EFCAB6: variants seen among roughly 807,000 people sequenced by gnomAD.
EFCAB6 encodes EF-hand calcium binding domain 6.
A neutral mutation model predicts 169.8 loss-of-function variants in EFCAB6; 156 were observed. The ratio of observed to expected loss-of-function variants is 0.92; its 90% CI spans 0.81 to 1.05. The LOEUF is 1.05. Ranked by LOEUF, EFCAB6 falls within the 50% of genes least tolerant of loss-of-function variation. EFCAB6 has a pLI of 0.00. For synonymous variants in EFCAB6, 698 were observed against 676.4 expected, an observed-to-expected ratio of 1.03 and a Z score of -0.50; for missense variants, 1,800 against 1,829.1, an observed-to-expected ratio of 0.98 and a Z score of 0.29.
intron 13 of EFCAB6, among the ~76,000 whole-genome samples, chr22:43,672,614 C>T (rs2057541305): frequency 6.6e-6 from 1 of 152,166 alleles, no homozygotes; most frequent in Non-Finnish European, 1.5e-5. Flanking sequence ...CAGGTTCTCA[C>T]TCATAAGTGG....
At chr22:43,579,976 T>C (rs1387874717) in intron 25 of EFCAB6, among the ~76,000 whole-genome samples, 1 of 152,224 alleles carries the variant, frequency 6.6e-6, no homozygotes, top group Non-Finnish European at 1.5e-5. Context: ...ATAGGCATCA[T>C]TCCGTACACC....
At chr22:43,732,200 A>G (rs937145461) in intron 7 of EFCAB6, among the ~76,000 whole-genome samples, 9 of 152,126 alleles carry the variant, frequency 5.9e-5, no homozygotes, top group African/African-American at 2.2e-4. Flanking sequence ...GCCTTTAATA[A>G]TTGTAGGGAA....
At chr22:43,556,263 A>G (rs1010780676) in intron 26 of EFCAB6, among the ~76,000 whole-genome samples, 5 of 152,138 alleles carry the variant, frequency 3.3e-5, no homozygotes, top group African/African-American at 1.2e-4. Context: ...TCTGACATGC[A>G]TCTACTTGCT....
At chr22:43,533,907 CCT>C (rs2047230814) in intron 30 of EFCAB6, among the ~76,000 whole-genome samples, 1 of 152,186 alleles carries the variant, frequency 6.6e-6, no homozygotes, top group South Asian at 2.1e-4. Flanking sequence ...CCTCCTGGAG[CCT>C]CTGAGTCCAC....
At chr22:43,590,691 C>T (rs1246989440) in intron 23 of EFCAB6, among the ~76,000 whole-genome samples, 2 of 119,320 alleles carry the variant, frequency 1.7e-5, no homozygotes, top group South Asian at 5.5e-4. Flanking sequence ...GGGAGACAGA[C>T]AATAAACAGA....
chr22:43,618,115 C>CA (rs544481240), intron 20 of EFCAB6, among the ~76,000 whole-genome samples: 3,686 of 50,836 alleles, frequency 0.073, 119 homozygotes, highest in African/African-American at 0.1. Flanking sequence ...AAAAAAATCT[C>CA]AAAAAAAAAA....
rs1330732827 is a variant in EFCAB6, at chr22:43,572,834, C to G, written c.3420+3463G>C. Among the ~76,000 whole-genome samples the G allele has an allele frequency of 6.6e-6, 1 of 152,240 alleles. No homozygotes were observed. Among genetic ancestry groups the G allele is most frequent in the African/African-American group, 2.4e-5 (1 of 41,460 alleles). ...TGGAGGCAGGGACTGCATTTGTTTACTTTGCTGCTAAACCTGGCACCCAGC... is the reference window on the plus strand; with the variant it reads ...TGGAGGCAGGGACTGCATTTGTTTAGTTTGCTGCTAAACCTGGCACCCAGC... On this transcript the variant is annotated intron_variant, in intron 26 of 31. Transcript: ENST00000262726. The surrounding 1 kb of genome is among the most constrained non-coding windows in gnomAD (Gnocchi z 4.0).
intron 6 of EFCAB6, among the ~76,000 whole-genome samples, chr22:43,739,508 C>G (rs766310156): frequency 2.0e-5 from 3 of 152,150 alleles, no homozygotes; most frequent in Non-Finnish European, 4.4e-5. Flanking sequence ...CAATGTCCCA[C>G]TGATGACTCC....
At chr22:43,616,005 G>A in intron 20 of EFCAB6, 83 bp from the exon 21 acceptor site, 1 of 1,175,696 alleles carries the variant, frequency 8.5e-7, no homozygotes, top group Non-Finnish European at 1.2e-6. Context: ...TATCCCCCCT[G>A]TTTGTTTCAA....
At position 43,546,731 on chromosome 22, in the gene EFCAB6, G is replaced by A. The variant is rs185143566; in HGVS notation, c.3649-6374C>T. 7.7e-4 allele frequency among the ~76,000 whole-genome samples: 117 copies of A among 152,124 alleles called. 1 individual carries two copies. Among genetic ancestry groups the A allele is most frequent in the African/African-American group, 2.8e-3 (116 of 41,496 alleles). ...TACTAAAAATACAAAAAATTAGCCA[G>A]GTGTGGTGGTGCGCACCTGTAATCC... On this transcript the variant is annotated intron_variant, in intron 27 of 31. Coordinates refer to ENST00000262726, the MANE Select transcript of EFCAB6 (RefSeq NM_022785.4).
intron 9 of EFCAB6, among the ~76,000 whole-genome samples, chr22:43,712,043 G>C (rs143335586): frequency 9.2e-5 from 14 of 152,210 alleles, no homozygotes; most frequent in African/African-American, 3.4e-4. Flanking sequence ...AATAGAAGTA[G>C]CTTTTACAGT....
chr22:43,750,653 G>A (rs2060725531), intron 6 of EFCAB6, among the ~76,000 whole-genome samples: 2 of 152,246 alleles, frequency 1.3e-5, no homozygotes, highest in South Asian at 4.1e-4. Flanking sequence ...TTTTTGTTAG[G>A]CAAACAGACT....
intron 15 of EFCAB6, among the ~76,000 whole-genome samples, chr22:43,671,359 G>A (rs1248407603): frequency 6.6e-6 from 1 of 152,064 alleles, no homozygotes; most frequent in Non-Finnish European, 1.5e-5. Flanking sequence ...GTGCCACCAT[G>A]CCTGGCTTAA....
chr22:43,629,618 C>T (rs750009644), intron 19 of EFCAB6, among the ~76,000 whole-genome samples: 14 of 152,074 alleles, frequency 9.2e-5, no homozygotes, highest in South Asian at 4.2e-4. Flanking sequence ...CAGCACCCTG[C>T]GGGCTGTGTG....
chr22:43,546,446 G>A (rs891743797), intron 27 of EFCAB6, among the ~76,000 whole-genome samples: 1 of 152,138 alleles, frequency 6.6e-6, no homozygotes, highest in Non-Finnish European at 1.5e-5. Flanking sequence ...ACATAAAGGC[G>A]CGGCCTTAAA....
intron 3 of EFCAB6, among the ~76,000 whole-genome samples, chr22:43,777,209 G>A (rs1194989983): frequency 2.0e-5 from 3 of 152,176 alleles, no homozygotes; most frequent in Admixed American, 6.5e-5. Flanking sequence ...TGGAGAACAC[G>A]GGGGAGTCGA....
intron 6 of EFCAB6, among the ~76,000 whole-genome samples, chr22:43,748,370 C>T (rs1228093299): frequency 6.6e-6 from 1 of 152,166 alleles, no homozygotes; most frequent in Non-Finnish European, 1.5e-5. Flanking sequence ...ACAGAATAGC[C>T]GCAGGGCTTG....
At chr22:43,556,738 T>TA (rs1411467316) in intron 26 of EFCAB6, among the ~76,000 whole-genome samples, 1 of 152,236 alleles carries the variant, frequency 6.6e-6, no homozygotes, top group South Asian at 2.1e-4. Context: ...CTCAGAAATC[T>TA]AAAGCTACAC....
intron 23 of EFCAB6, among the ~76,000 whole-genome samples, chr22:43,591,140 T>A (rs1453400590): frequency 2.0e-5 from 3 of 150,546 alleles, no homozygotes; most frequent in Middle Eastern, 6.8e-3. Flanking sequence ...TTTTTGTTTT[T>A]TTTACCAGGC....
Sources: gnomAD v4.1 joint callset for allele counts (sites outside exome capture counted in the v4.1 genomes callset) on GRCh38, gnomAD v4.1.1 for gene constraint, Gnocchi (gnomAD v3.1) non-coding constraint, MANE v1.5 for transcripts, NCBI Gene and HGNC (gene_info 2026-07-23, HGNC 2026-07-21) for gene names.